Variants in FAM13A observed in about 807,000 individuals in gnomAD.
FAM13A encodes family with sequence similarity 13 member A, also known as protein FAM13A.
Under a neutral mutation model 129.6 loss-of-function variants are expected in FAM13A, and 76 were observed. The observed-to-expected ratio is 0.59, with a 90% confidence interval of 0.49 to 0.71. FAM13A has a LOEUF of 0.71. FAM13A is among the 30% of genes least tolerant of loss of function. FAM13A has a pLI of 0.00. For missense variants in FAM13A, 1,108 were observed against 1,249.3 expected, an observed-to-expected ratio of 0.89 and a Z score of 1.70; for synonymous variants, 443 against 449.9, an observed-to-expected ratio of 0.98 and a Z score of 0.20.
chr4:88,970,463 CATA>C (rs1243558705), intron 4 of FAM13A, among the ~76,000 whole-genome samples: 5 of 150,490 alleles, frequency 3.3e-5, no homozygotes, highest in Non-Finnish European at 5.9e-5. Context: ...ATATATGATA[CATA>C]ATAATCAGAT....
chr4:88,782,297 TAA>T (rs201820075), intron 10 of FAM13A, among the ~76,000 whole-genome samples: 1 of 144,488 alleles, frequency 6.9e-6, no homozygotes, highest in Non-Finnish European at 1.5e-5. Context: ...CAAACTGAGT[TAA>T]AAAAAAAAAG....
intron 13 of FAM13A, among the ~76,000 whole-genome samples, chr4:88,765,649 G>A (rs1305722683): frequency 6.6e-6 from 1 of 152,204 alleles, no homozygotes; most frequent in Non-Finnish European, 1.5e-5. Flanking sequence ...GTCTGTCATG[G>A]ATAATAACAA....
At chr4:88,759,090 T>G (rs1744289784) in intron 13 of FAM13A, 189 bp from the exon 14 acceptor site, 1 of 562,444 alleles carries the variant, frequency 1.8e-6, no homozygotes, top group African/African-American at 1.9e-5. Flanking sequence ...AAAGCAACTG[T>G]CCATCTGTGC....
intron 6 of FAM13A, among the ~76,000 whole-genome samples, chr4:88,905,097 CT>C (rs977017497): frequency 1.3e-5 from 2 of 152,122 alleles, no homozygotes; most frequent in Non-Finnish European, 2.9e-5. Context: ...ATCTACTGCA[CT>C]TGACTATTTC....
intron 4 of FAM13A, among the ~76,000 whole-genome samples, chr4:88,984,859 A>G (rs1454834261): frequency 6.6e-6 from 1 of 152,210 alleles, no homozygotes; most frequent in Non-Finnish European, 1.5e-5. Context: ...AAAATGGTGC[A>G]GCCACTTCAG....
chr4:88,737,880 G>A (rs2149418329), intron 20 of FAM13A, among the ~76,000 whole-genome samples: 1 of 152,222 alleles, frequency 6.6e-6, no homozygotes, highest in East Asian at 1.9e-4. Flanking sequence ...TTAACCACAA[G>A]AACACTTCGG....
intron 4 of FAM13A, among the ~76,000 whole-genome samples, chr4:88,982,279 G>T (rs183197864): frequency 1.3e-5 from 2 of 152,344 alleles, no homozygotes; most frequent in East Asian, 3.9e-4. Flanking sequence ...GAGGTTAAGA[G>T]CAATGTCATG....
At chr4:88,865,061 G>T (rs1740149282) in intron 6 of FAM13A, among the ~76,000 whole-genome samples, 1 of 152,092 alleles carries the variant, frequency 6.6e-6, no homozygotes, top group South Asian at 2.1e-4. Context: ...GATTCCTTGG[G>T]ACATATTTAC....
chr4:88,938,184 AG>A lies in FAM13A; in HGVS notation c.662del (p.Ala221ValfsTer4), dbSNP rs753272986. 14 of 1,613,460 alleles carry A rather than the reference AG, an allele frequency of 8.7e-6. No individual in the cohort carries two copies. In the African/African-American group the frequency reaches 1.6e-4, roughly 18 times the overall value. ...KEQDLCNKIM[A>X]KILENYNTLF... Reference sequence around the variant, plus strand: ...GGGTATTGTAATTTTCTAGAATTTTAGCCATTATCTTGTTGCACAGGTCCTG... The same window carrying A: ...GGGTATTGTAATTTTCTAGAATTTTACCATTATCTTGTTGCACAGGTCCTG... On this transcript the variant is annotated frameshift_variant, in exon 5 of 24. Transcript: ENST00000264344. LOFTEE classifies it high-confidence loss of function.
chr4:89,021,301 G>T (rs1352823224), intron 2 of FAM13A, among the ~76,000 whole-genome samples: 2 of 152,206 alleles, frequency 1.3e-5, no homozygotes, highest in African/African-American at 4.8e-5. Flanking sequence ...GGCTGGAGCT[G>T]TTACGCTGTG....
intron 11 of FAM13A, among the ~76,000 whole-genome samples, chr4:88,770,054 A>C (rs987954440): frequency 3.3e-5 from 5 of 152,298 alleles, no homozygotes; most frequent in Admixed American, 6.5e-5. Context: ...ACACTGTCCC[A>C]AAAACAGGAA....
At chr4:88,988,137 C>CATTAA (rs1166869554) in intron 4 of FAM13A, among the ~76,000 whole-genome samples, 1 of 151,832 alleles carries the variant, frequency 6.6e-6, no homozygotes, top group African/African-American at 2.4e-5. Flanking sequence ...AGGAACTTAA[C>CATTAA]ATTAAATTAA....
At chr4:88,739,813 A>T (rs1164498901) in intron 19 of FAM13A, among the ~76,000 whole-genome samples, 1 of 146,778 alleles carries the variant, frequency 6.8e-6, no homozygotes, top group Non-Finnish European at 1.5e-5. Flanking sequence ...AAAAATACAT[A>T]TCATGTAGTT....
chr4:88,907,408 A>G (rs1183784403), intron 5 of FAM13A, among the ~76,000 whole-genome samples: 1 of 152,194 alleles, frequency 6.6e-6, no homozygotes, highest in Non-Finnish European at 1.5e-5. Context: ...CAATCTTTTA[A>G]ACATAATTTT....
intron 4 of FAM13A, among the ~76,000 whole-genome samples, chr4:88,954,712 C>T (rs1757469759): frequency 6.6e-6 from 1 of 151,934 alleles, no homozygotes; most frequent in African/African-American, 2.4e-5. Context: ...CGGCAAAAAC[C>T]TCGTCTCTAC....
intron 19 of FAM13A, 70 bp from the exon 20 acceptor site, chr4:88,739,195 C>G (rs1739660870): frequency 9.8e-7 from 1 of 1,022,086 alleles, no homozygotes; most frequent in Admixed American, 1.7e-5. Flanking sequence ...TAAGCATGCT[C>G]TGGGCCTTTG....
chr4:88,990,860 T>C (rs1762840807), intron 4 of FAM13A, 113 bp downstream of exon 4: 2 of 783,962 alleles, frequency 2.6e-6, no homozygotes, highest in Middle Eastern at 2.6e-4. Flanking sequence ...TTCTCCAAAA[T>C]AAGCTGGCTG....
rs1772244736 is a variant in FAM13A, at chr4:89,056,811, C to T, written c.27+127G>A. The T allele has an allele frequency of 5.5e-6, 5 of 902,356 alleles. No individual in the cohort carries two copies. The South Asian group carries it at 8.4e-5, about 15-fold the overall frequency. 55.9% of individuals were successfully genotyped at this position (902,356 alleles called of 1,614,324 possible). A position where few individuals can be genotyped will look rare whatever the true frequency, so the allele number is the denominator to read the frequency against. On this transcript the variant is annotated intron_variant, in intron 1 of 23. Transcript: ENST00000264344. Reference sequence around the variant, plus strand: ...TTTAAGTAGATAGGAATTTAAGTAACAAATCTTTCCCCACCTCCTGGGAAG... The same window carrying T: ...TTTAAGTAGATAGGAATTTAAGTAATAAATCTTTCCCCACCTCCTGGGAAG...
At chr4:88,921,441 C>G (rs1024972232) in intron 5 of FAM13A, among the ~76,000 whole-genome samples, 49 of 152,218 alleles carry the variant, frequency 3.2e-4, no homozygotes, top group African/African-American at 1.1e-3. Context: ...ATTTCATATC[C>G]AGCCAAACTA....
Sources: allele counts gnomAD v4.1 joint callset (sites outside exome capture counted in the v4.1 genomes callset), GRCh38; gene constraint gnomAD v4.1.1; transcripts MANE v1.5; gene names NCBI Gene and HGNC (gene_info 2026-07-23, HGNC 2026-07-21).